GALNT18: variants seen among roughly 807,000 people sequenced by gnomAD.
GALNT18 encodes the protein polypeptide N-acetylgalactosaminyltransferase 18.
Under a neutral mutation model 69.5 loss-of-function variants are expected in GALNT18, and 44 were observed. The ratio of observed to expected loss-of-function variants is 0.63; its 90% CI spans 0.50 to 0.81. GALNT18 has a LOEUF of 0.81. Among genes scored for constraint, GALNT18 ranks in the 40% least tolerant of loss-of-function variants. GALNT18 has a pLI of 0.00. For missense variants in GALNT18, 715 were observed against 810.0 expected (o/e 0.88, Z 1.42); for synonymous variants, 364 against 318.2 (o/e 1.14, Z -1.53).
At position 11,497,895 on chromosome 11, in the gene GALNT18, G is replaced by A. The variant is rs10831622; in HGVS notation, c.236-48959C>T. ...CTCCAGATTGGAGTTCTACATCTTTGTTTTCCCTTTTTAAAAATTATAATT... is the reference window on the plus strand; with the variant it reads ...CTCCAGATTGGAGTTCTACATCTTTATTTTCCCTTTTTAAAAATTATAATT... On this transcript the variant is annotated intron_variant, in intron 1 of 10. Transcript: ENST00000227756. This position sits in a 1 kb window ranked among gnomAD's most constrained non-coding sequence, Gnocchi z 4.2. Among the ~76,000 whole-genome samples, 30,727 of 151,612 alleles carry A rather than the reference G, an allele frequency of 0.2. 3,534 individuals carry two copies. Among genetic ancestry groups the A allele is most frequent in the Admixed American group, 0.35 (5,339 of 15,240 alleles).
In GALNT18 at chr11:11,419,619, A is replaced by AAG. The variant is rs1554932033; in HGVS notation, c.595+13001_595+13002insCT. ...CTCAAAAAAAAAAAAAAAAAAAAAA[A>AAG]AAAGAAAGAAGGAAAAGAAACCATG... On this transcript the variant is annotated intron_variant, in intron 3 of 10. Coordinates refer to ENST00000227756, the MANE Select transcript of GALNT18 (RefSeq NM_198516.3). 3.6e-3 allele frequency among the ~76,000 whole-genome samples: 468 copies of AAG among 128,434 alleles called. 12 individuals are homozygous for AAG. The highest frequency in any genetic ancestry group is 0.013 in the African/African-American group (449 of 35,712). The allele number at this position is 128,434 out of a possible 152,430, so 84.3% of individuals were successfully genotyped here.
rs1274776264 is a variant in GALNT18 at position 11,595,375 on chromosome 11, A to G, written c.235+25984T>C. 6.6e-6 allele frequency among the ~76,000 whole-genome samples: 1 copy of G among 152,142 alleles called. No individual in the cohort carries two copies. The highest frequency in any genetic ancestry group is 2.4e-5 in the African/African-American group (1 of 41,442). ...GTCAGGAGGCTGCAACCCAGAAGAGAGACTTCACCAGACAGAACCCCATCA... is the reference window on the plus strand; with the variant it reads ...GTCAGGAGGCTGCAACCCAGAAGAGGGACTTCACCAGACAGAACCCCATCA... On this transcript the variant is annotated intron_variant, in intron 1 of 10. Transcript: ENST00000227756. This position sits in a 1 kb window ranked among gnomAD's most constrained non-coding sequence, Gnocchi z 5.2.
intron 6 of GALNT18, among the ~76,000 whole-genome samples, chr11:11,344,230 C>T (rs1296791665): frequency 7.0e-6 from 1 of 143,004 alleles, no homozygotes; most frequent in South Asian, 2.4e-4. Flanking sequence ...TGTAGCCACG[C>T]TATTTTTTTT....
rs778207173 is a variant in GALNT18, at chr11:11,430,275, T to C, written c.595+2346A>G. ...TGAAGTAATTATAGATTCACAAAAG[T>C]GTACAAGAAGGTTTCATATGCCCCT... On this transcript the variant is annotated intron_variant, in intron 3 of 10. Transcript: ENST00000227756. This position sits in a 1 kb window ranked among gnomAD's most constrained non-coding sequence, Gnocchi z 4.9. 3.3e-5 allele frequency among the ~76,000 whole-genome samples: 5 copies of C among 152,236 alleles called. No homozygotes were observed. Among genetic ancestry groups the C allele is most frequent in the Admixed American group, 6.5e-5 (1 of 15,282 alleles).
intron 9 of GALNT18, among the ~76,000 whole-genome samples, chr11:11,312,500 C>A (rs1187782010): frequency 6.6e-6 from 1 of 152,116 alleles, no homozygotes; most frequent in Admixed American, 6.5e-5. Flanking sequence ...TGGAGGGCAT[C>A]TTTGTGTTCA....
At chr11:11,498,617 G>A (rs1367521504) in intron 1 of GALNT18, among the ~76,000 whole-genome samples, 3 of 152,224 alleles carry the variant, frequency 2.0e-5, no homozygotes, top group South Asian at 2.1e-4. Context: ...TGGGCAACAC[G>A]GTGAAACCTC....
At chr11:11,429,429 C>T (rs929655087) in intron 3 of GALNT18, among the ~76,000 whole-genome samples, 11 of 152,208 alleles carry the variant, frequency 7.2e-5, no homozygotes, top group African/African-American at 1.4e-4. Flanking sequence ...AATTACTCCA[C>T]GCGTGAGACT....
rs1005504306 is a variant in GALNT18, at chr11:11,584,428, C to T, written c.235+36931G>A. 5.3e-5 allele frequency among the ~76,000 whole-genome samples: 8 copies of T among 152,082 alleles called. No individual in the cohort carries two copies. The highest frequency in any genetic ancestry group is 2.1e-4 in the South Asian group (1 of 4,812). On this transcript the variant is annotated intron_variant, in intron 1 of 10. Coordinates refer to ENST00000227756, the MANE Select transcript of GALNT18 (RefSeq NM_198516.3). This position sits in a 1 kb window ranked among gnomAD's most constrained non-coding sequence, Gnocchi z 4.1. ...CTGTTGGAAAGCTGATGGGAGATGC[C>T]GTAAGAGAAATGGGTTCCTATTCTC...
At chr11:11,434,046 T>C (rs1424800577) in intron 2 of GALNT18, among the ~76,000 whole-genome samples, 1 of 152,034 alleles carries the variant, frequency 6.6e-6, no homozygotes, top group Non-Finnish European at 1.5e-5. Context: ...AGAATAGGAA[T>C]GGGCCTGCTC....
rs2133944404 is a variant in GALNT18 at position 11,600,331 on chromosome 11, A to T, written c.235+21028T>A. 6.6e-6 allele frequency among the ~76,000 whole-genome samples: 1 copy of T among 152,154 alleles called. No individual in the cohort carries two copies. The highest frequency in any genetic ancestry group is 2.1e-4 in the South Asian group (1 of 4,816). ...TTGTAAGATGGACCTGATAACAACA[A>T]ATTCTGTTTTTGTTTTTCTGGTAAT... On this transcript the variant is annotated intron_variant, in intron 1 of 10. Transcript: ENST00000227756. This position sits in a 1 kb window ranked among gnomAD's most constrained non-coding sequence, Gnocchi z 4.8.
rs1358637304 is a variant in GALNT18, at chr11:11,601,509, G to C, written c.235+19850C>G. Among the ~76,000 whole-genome samples, 1 of 152,140 alleles carries C rather than the reference G, an allele frequency of 6.6e-6. No individual in the cohort carries two copies. Among genetic ancestry groups the C allele is most frequent in the Non-Finnish European group, 1.5e-5 (1 of 68,022 alleles). On this transcript the variant is annotated intron_variant, in intron 1 of 10. Coordinates refer to ENST00000227756, the MANE Select transcript of GALNT18 (RefSeq NM_198516.3). The surrounding 1 kb of genome is among the most constrained non-coding windows in gnomAD (Gnocchi z 4.0). ...CATTTCTGGCTGGACTGCCCGATTG[G>C]TTTCACCTCCAGCTGTTAGCCTCCA... is the stretch of plus-strand genomic sequence containing the variant.
intron 5 of GALNT18, among the ~76,000 whole-genome samples, chr11:11,373,175 GT>G (rs72207478): frequency 0.27 from 40,926 of 151,950 alleles, 6,386 homozygotes; most frequent in East Asian, 0.46. Context: ...GCAGATCTGT[GT>G]TTTTTTCAAA....
At position 11,392,827 on chromosome 11, in the gene GALNT18, T is replaced by G. The variant is rs566620706; in HGVS notation, c.596-13563A>C. ...TTATTTTTAATTATTATGGATACTA[T>G]AGCCATTCTAACATAAGGAAATGGA... On this transcript the variant is annotated intron_variant, in intron 3 of 10. Coordinates refer to ENST00000227756, the MANE Select transcript of GALNT18 (RefSeq NM_198516.3). Among the ~76,000 whole-genome samples the G allele has an allele frequency of 2.6e-5, 4 of 152,324 alleles. No individual in the cohort carries two copies. In the South Asian group the frequency reaches 8.3e-4, roughly 32 times the overall value.
At position 11,444,792 on chromosome 11, in the gene GALNT18, A is replaced by G. The variant is rs943295757; in HGVS notation, c.428+3952T>C. Among the ~76,000 whole-genome samples the G allele has an allele frequency of 6.6e-6, 1 of 152,252 alleles. No homozygotes were observed. Among genetic ancestry groups the G allele is most frequent in the Non-Finnish European group, 1.5e-5 (1 of 68,042 alleles). On this transcript the variant is annotated intron_variant, in intron 2 of 10. Transcript: ENST00000227756. This position sits in a 1 kb window ranked among gnomAD's most constrained non-coding sequence, Gnocchi z 4.4. ...AGAATTTGGAAGAAAAGAGCCAAGAATACCAAGAGCAAAGTGTGGAATACA... is the reference window on the plus strand; with the variant it reads ...AGAATTTGGAAGAAAAGAGCCAAGAGTACCAAGAGCAAAGTGTGGAATACA...
At chr11:11,386,359 A>G (rs1299450747) in intron 3 of GALNT18, among the ~76,000 whole-genome samples, 1 of 152,124 alleles carries the variant, frequency 6.6e-6, no homozygotes, top group East Asian at 1.9e-4. Flanking sequence ...TTCTAGGATC[A>G]TCTACCAGTT....
At position 11,606,736 on chromosome 11, in the gene GALNT18, C is replaced by T. The variant is rs1056563956; in HGVS notation, c.235+14623G>A. Among the ~76,000 whole-genome samples, 1 of 152,188 alleles carries T rather than the reference C, an allele frequency of 6.6e-6. No individual in the cohort carries two copies. The highest frequency in any genetic ancestry group is 2.4e-5 in the African/African-American group (1 of 41,452). On this transcript the variant is annotated intron_variant, in intron 1 of 10. Transcript: ENST00000227756. The surrounding 1 kb of genome is among the most constrained non-coding windows in gnomAD (Gnocchi z 5.4). ...CAAGTAAGGATTTTCCTTCCTGGTG[C>T]ACACGTTTCTCCTGAAGTTGAGGGA...
chr11:11,350,511 G>A (rs377679061), intron 6 of GALNT18, among the ~76,000 whole-genome samples: 16 of 152,326 alleles, frequency 1.1e-4, no homozygotes, highest in African/African-American at 3.4e-4. Context: ...AAAGGAAGAC[G>A]TCAGGCTCTG....
At chr11:11,411,845 C>G (rs116929387) in intron 3 of GALNT18, among the ~76,000 whole-genome samples, 4,734 of 152,284 alleles carry the variant, frequency 0.031, 109 homozygotes, top group Middle Eastern at 0.099. Context: ...ACAGGGAGCC[C>G]TGGGGCATAA....
In GALNT18 at chr11:11,421,517, G is replaced by A. The variant is rs1564940304; in HGVS notation, c.595+11104C>T. 6.6e-6 allele frequency among the ~76,000 whole-genome samples: 1 copy of A among 152,270 alleles called. No individual in the cohort carries two copies. Among genetic ancestry groups the A allele is most frequent in the East Asian group, 1.9e-4 (1 of 5,172 alleles). On this transcript the variant is annotated intron_variant, in intron 3 of 10. Transcript: ENST00000227756. This position sits in a 1 kb window ranked among gnomAD's most constrained non-coding sequence, Gnocchi z 5.6. ...ATTGACCAGGGCTAGCTGGGAAGCT[G>A]GGGCCCAGCTAAGGGGATGAGGCAG...
Sources: gnomAD v4.1 joint callset for allele counts (sites outside exome capture counted in the v4.1 genomes callset) on GRCh38, gnomAD v4.1.1 for gene constraint, Gnocchi (gnomAD v3.1) non-coding constraint, MANE v1.5 for transcripts, NCBI Gene and HGNC (gene_info 2026-07-23, HGNC 2026-07-21) for gene names.